The following ZNF606 variants were observed in gnomAD, a reference collection of about 807,000 sequenced individuals.
The protein encoded by ZNF606 is zinc finger protein 328.
In ZNF606, 37 loss-of-function variants were observed where a neutral mutation model predicts 74.9. The ratio of observed to expected loss-of-function variants is 0.49; its 90% CI spans 0.38 to 0.65. The LOEUF (loss-of-function observed/expected upper bound fraction) is 0.65. Among genes scored for constraint, ZNF606 ranks in the 30% least tolerant of loss-of-function variants. The pLI is 0.00. For missense variants in ZNF606, 852 were observed against 952.9 expected (o/e 0.89, Z 1.39); for synonymous variants, 328 against 312.4 (o/e 1.05, Z -0.53).
rs376342284 is a variant in ZNF606, at chr19:57,993,891, A to G, written c.178-5170T>C. Among the ~76,000 whole-genome samples, 22 of 152,304 alleles carry G rather than the reference A, an allele frequency of 1.4e-4. No homozygotes were observed. In the East Asian group the frequency reaches 3.1e-3, roughly 21 times the overall value. On this transcript the variant is annotated intron_variant, in intron 4 of 6. Transcript: ENST00000551380. ...CAGAGCGGAGTGGAAGGCACCAATC[A>G]TGAATCAGATCTATGCAGCTGAAGT...
chr19:57,992,482 G>A (rs1237860660), intron 4 of ZNF606, among the ~76,000 whole-genome samples: 2 of 152,190 alleles, frequency 1.3e-5, no homozygotes, highest in Non-Finnish European at 2.9e-5. Flanking sequence ...GCAAAAATCA[G>A]GCAAACCAAC....
At position 58,001,346 on chromosome 19, in the gene ZNF606, G is replaced by A; in HGVS notation, c.-27C>T. 1 of 1,614,078 alleles carries A rather than the reference G, an allele frequency of 6.2e-7. No homozygotes were observed. ...CCGAGGACTGATTGACCAGGCACCT[G>A]CCCAGGAACACAGCAAATCCCAACC... On this transcript the variant is annotated 5_prime_UTR_variant, in exon 2 of 7. Coordinates refer to ENST00000551380, the MANE Select transcript of ZNF606 (RefSeq NM_001348022.3).
At chr19:58,001,947 T>G (rs1751506347) in intron 1 of ZNF606, 1 of 346,232 alleles carries the variant, frequency 2.9e-6, no homozygotes, top group Non-Finnish European at 5.7e-6. Context: ...CTTGTGTGTG[T>G]GTGGAGGACT....
Position 57,978,977 on chromosome 19 carries a change from T to C in ZNF606, c.1703A>G (p.Tyr568Cys), listed in dbSNP as rs377704652. The stretch of plus-strand genomic sequence containing the variant: ...GGATTTTCCACATTCAGTACATTTA[T>C]ATGGTTTTGCTCCAGAATGAGTTCT... ...HERTHSGAKP[Y>C]KCTECGKSFS... Residue 568 changes from tyrosine to cysteine, a missense_variant, in exon 7 of 7, where the codon TAT becomes TGT. This residue lies in a region of ZNF606 where 243 missense variants were observed against 359.2 expected (regional missense o/e 0.68). Coordinates refer to ENST00000551380, the MANE Select transcript of ZNF606 (RefSeq NM_001348022.3). The surrounding 1 kb of genome is among the most constrained non-coding windows in gnomAD (Gnocchi z 4.4). The C allele has an allele frequency of 1.2e-6, 2 of 1,613,580 alleles. No homozygotes were observed. The highest frequency in any genetic ancestry group is 1.7e-6 in the Non-Finnish European group (2 of 1,179,918).
rs553016740 is a variant in ZNF606, at chr19:57,979,954, T to C, written c.726A>G (p.Thr242=). The C allele has an allele frequency of 1.1e-4, 185 of 1,613,970 alleles. 2 individuals carry two copies. In the South Asian group the frequency reaches 1.9e-3, roughly 17 times the overall value. ...AGTCACATCTCCAACTTTGAGCATG[T>C]GTATCAGGCTTATAGAAATGTTCTA... The part of the protein sequence containing the change: ...SQIEHFYKPD[T]HAQSWRCDSA... The change falls in exon 7 of 7, where the codon ACA becomes ACG. Residue 242 remains threonine, a synonymous_variant. Transcript: ENST00000551380.
chr19:58,002,749 G>A lies in ZNF606; in HGVS notation c.-405C>T, dbSNP rs1185513938. The A allele has an allele frequency of 2.2e-6, 1 of 454,032 alleles. No individual in the cohort carries two copies. The allele number at this position is 454,032 out of a possible 1,614,324, so 28.1% of individuals were successfully genotyped here. ...CTGACCCCCCAAGCCCCGCAGCTAC[G>A]GCGGCCCCACAGCCTGAGCAAAGGC... is the stretch of plus-strand genomic sequence containing the variant. On this transcript the variant is annotated 5_prime_UTR_variant, in exon 1 of 7. Coordinates refer to ENST00000551380, the MANE Select transcript of ZNF606 (RefSeq NM_001348022.3).
In ZNF606 at chr19:58,002,772, G is replaced by A. The variant is rs964896917; in HGVS notation, c.-428C>T. On this transcript the variant is annotated 5_prime_UTR_variant, in exon 1 of 7. Coordinates refer to ENST00000551380, the MANE Select transcript of ZNF606 (RefSeq NM_001348022.3). ...ACGGCGGCCCCACAGCCTGAGCAAA[G>A]GCCTCACCTCAGCCGCGGACAATGG... 11 of 454,144 alleles carry A rather than the reference G, an allele frequency of 2.4e-5. No individual in the cohort carries two copies. Among genetic ancestry groups the A allele is most frequent in the Non-Finnish European group, 3.5e-5 (8 of 226,066 alleles). 28.1% of individuals were successfully genotyped at this position (454,144 alleles called of 1,614,324 possible).
chr19:58,001,514 T>G, intron 1 of ZNF606, 144 bp from the exon 2 acceptor site: 1 of 645,896 alleles, frequency 1.5e-6, no homozygotes, highest in Non-Finnish European at 2.7e-6. Flanking sequence ...GTCAAAAAAG[T>G]AACACAATTC....
chr19:57,988,769 A>G, intron 4 of ZNF606, 48 bp from the exon 5 acceptor site: 1 of 1,612,194 alleles, frequency 6.2e-7, no homozygotes, highest in Non-Finnish European at 8.5e-7. Context: ...ACCCCCTCCA[A>G]TATTTCCAGG....
rs2073412341 is a variant in ZNF606 at position 58,000,716 on chromosome 19, C to T, written c.55G>A (p.Gly19Arg). 6.2e-7 allele frequency: 1 copy of T among 1,609,468 alleles called. No individual in the cohort carries two copies. Among genetic ancestry groups the T allele is most frequent in the Non-Finnish European group, 8.5e-7 (1 of 1,177,502 alleles). ...GCCCATGGGTCAACAGCTGTCATCC[C>T]CCAAGATTGGTCCGTAAGGGCACCT... ...SWGALTDQSW[G>R]MTAVDPWASW... The change falls in exon 3 of 7, where the codon GGG becomes AGG. Residue 19 changes from glycine (G) to arginine (R), a missense_variant. Coordinates refer to ENST00000551380, the MANE Select transcript of ZNF606 (RefSeq NM_001348022.3).
At chr19:57,980,522 A>G (rs1473306215) in intron 6 of ZNF606, among the ~76,000 whole-genome samples, 2 of 152,196 alleles carry the variant, frequency 1.3e-5, no homozygotes, top group African/African-American at 4.8e-5. Context: ...TTTCCATGAA[A>G]AGGAAGACCA....
rs2073204944 is a variant in ZNF606, at chr19:57,988,727, A to G, written c.178-6T>C. 1 of 1,614,002 alleles carries G rather than the reference A, an allele frequency of 6.2e-7. No homozygotes were observed. The highest frequency in any genetic ancestry group is 1.1e-5 in the South Asian group (1 of 91,090). On this transcript the variant is annotated splice_polypyrimidine_tract_variant and splice_region_variant and intron_variant, in intron 4 of 6. Coordinates refer to ENST00000551380, the MANE Select transcript of ZNF606 (RefSeq NM_001348022.3). Reference sequence around the variant, plus strand: ...TCCTTGAAGGTCACTGGTTCCTAAAAGAACACAAACGTTCCTTCTCAGCCT... The same window carrying G: ...TCCTTGAAGGTCACTGGTTCCTAAAGGAACACAAACGTTCCTTCTCAGCCT...
chr19:57,980,104 T>G lies in ZNF606; in HGVS notation c.576A>C (p.Thr192=). 3 of 1,614,080 alleles carry G rather than the reference T, an allele frequency of 1.9e-6. No homozygotes were observed. The highest frequency in any genetic ancestry group is 2.5e-6 in the Non-Finnish European group (3 of 1,180,040). ...GCATGAAGACCATCTGCCTCATAGC[T>G]GTACTCTGGTTCATGTGGTACATTT... The part of the protein sequence containing the change: ...QLEMYHMNQS[T]AMRQMVFMQK... The change falls in exon 7 of 7, where the codon ACA becomes ACC. Residue 192 remains threonine (T), a synonymous_variant. Coordinates refer to ENST00000551380, the MANE Select transcript of ZNF606 (RefSeq NM_001348022.3).
At position 58,000,307 on chromosome 19, in the gene ZNF606, C is replaced by T. The variant is rs943792110; in HGVS notation, c.88+376G>A. Reference sequence around the variant, plus strand: ...CACGATCTTGGCTCACTGCACGCTCCGCCTCCTGGCTTCACGCCATTCTCC... The same window carrying T: ...CACGATCTTGGCTCACTGCACGCTCTGCCTCCTGGCTTCACGCCATTCTCC... On this transcript the variant is annotated intron_variant, in intron 3 of 6. Transcript: ENST00000551380. 22 of 495,842 alleles carry T rather than the reference C, an allele frequency of 4.4e-5. No homozygotes were observed. In the Admixed American group the frequency reaches 4.8e-4, roughly 11 times the overall value. 30.7% of individuals were successfully genotyped at this position (495,842 alleles called of 1,614,324 possible). A position where few individuals can be genotyped will look rare whatever the true frequency, so the allele number is the denominator to read the frequency against.
In ZNF606 at chr19:58,001,376, G is replaced by A. The variant is rs767498280; in HGVS notation, c.-51-6C>T. 22 of 1,610,906 alleles carry A rather than the reference G, an allele frequency of 1.4e-5. No homozygotes were observed. The highest frequency in any genetic ancestry group is 2.2e-5 in the East Asian group (1 of 44,848). On this transcript the variant is annotated splice_region_variant and splice_polypyrimidine_tract_variant and intron_variant, in intron 1 of 6. Transcript: ENST00000551380. ...GGAACACAGCAAATCCCAACCTAGT[G>A]ACAAAAGTGAAAAAAGACAAAACTA...
At chr19:57,982,571 CCTCT>C (rs2073101397) in intron 6 of ZNF606, among the ~76,000 whole-genome samples, 2 of 151,688 alleles carry the variant, frequency 1.3e-5, no homozygotes, top group South Asian at 4.2e-4. Context: ...TAGACCTTGC[CCTCT>C]CTCTCTGCTT....
intron 3 of ZNF606, chr19:58,000,224 TTTTC>T (rs1231255769): frequency 7.5e-6 from 3 of 397,762 alleles, no homozygotes; most frequent in African/African-American, 4.7e-5. Flanking sequence ...TGCTCACTGG[TTTTC>T]TTTTTTTTTT....
intron 6 of ZNF606, among the ~76,000 whole-genome samples, chr19:57,985,155 C>T (rs1392052868): frequency 1.3e-5 from 2 of 152,068 alleles, no homozygotes; most frequent in Non-Finnish European, 2.9e-5. Context: ...TAACCAAAGC[C>T]TTGCAGCAAC....
chr19:58,002,760 AG>A lies in ZNF606; in HGVS notation c.-417del, dbSNP rs1335772169. On this transcript the variant is annotated 5_prime_UTR_variant, in exon 1 of 7. Coordinates refer to ENST00000551380, the MANE Select transcript of ZNF606 (RefSeq NM_001348022.3). Reference sequence around the variant, plus strand: ...AGCCCCGCAGCTACGGCGGCCCCACAGCCTGAGCAAAGGCCTCACCTCAGCC... The same window carrying A: ...AGCCCCGCAGCTACGGCGGCCCCACACCTGAGCAAAGGCCTCACCTCAGCC... 2 of 454,206 alleles carry A rather than the reference AG, an allele frequency of 4.4e-6. No individual in the cohort carries two copies. The highest frequency in any genetic ancestry group is 8.8e-6 in the Non-Finnish European group (2 of 226,132). 28.1% of individuals were successfully genotyped at this position (454,206 alleles called of 1,614,324 possible).
Sources: allele counts gnomAD v4.1 joint callset (sites outside exome capture counted in the v4.1 genomes callset), GRCh38; gene constraint gnomAD v4.1.1; regional missense constraint gnomAD v4.1.1; non-coding constraint Gnocchi (gnomAD v3.1); transcripts MANE v1.5; gene names NCBI Gene and HGNC (gene_info 2026-07-23, HGNC 2026-07-21).